The following ZNF346 variants were observed in gnomAD, a reference collection of about 807,000 sequenced individuals.
ZNF346 encodes zinc finger protein 346.
Under a neutral mutation model 33.7 loss-of-function variants are expected in ZNF346, and 23 were observed. That is an observed-to-expected ratio of 0.68 (90% CI 0.49 to 0.97). ZNF346 has a LOEUF of 0.97. Among genes scored for constraint, ZNF346 ranks in the 50% least tolerant of loss-of-function variants. The pLI is 0.00. For synonymous variants in ZNF346, 134 were observed against 142.4 expected, an observed-to-expected ratio of 0.94 and a Z score of 0.42; for missense variants, 340 against 371.1, an observed-to-expected ratio of 0.92 and a Z score of 0.69.
chr5:177,037,440 TACTCAC>T (rs746152821), intron 1 of ZNF346, among the ~76,000 whole-genome samples: 41 of 152,286 alleles, frequency 2.7e-4, no homozygotes, highest in Non-Finnish European at 5.0e-4. Context: ...TCTGATAGAC[TACTCAC>T]ACTCACATAA....
chr5:177,064,173 AG>A (rs1215405866), intron 6 of ZNF346, among the ~76,000 whole-genome samples: 1 of 152,220 alleles, frequency 6.6e-6, no homozygotes, highest in East Asian at 1.9e-4. Context: ...GAGTTTTTAT[AG>A]GGCCCTGTAG....
At chr5:177,061,667 C>T (rs371819358) in intron 5 of ZNF346, among the ~76,000 whole-genome samples, 3 of 152,122 alleles carry the variant, frequency 2.0e-5, no homozygotes, top group South Asian at 2.1e-4. Context: ...TTACTGTTAC[C>T]GCAAGCCCTA....
intron 5 of ZNF346, among the ~76,000 whole-genome samples, chr5:177,051,519 G>A (rs184045493): frequency 1.3e-5 from 2 of 149,200 alleles, no homozygotes; most frequent in Admixed American, 1.4e-4. Context: ...GATTTATATA[G>A]AAATCCCTCT....
chr5:177,045,019 C>A (rs549783584), intron 4 of ZNF346, among the ~76,000 whole-genome samples: 1 of 152,308 alleles, frequency 6.6e-6, no homozygotes, highest in South Asian at 2.1e-4. Flanking sequence ...AAGCTGAATA[C>A]TTCAGTGCTG....
downstream of ZNF346, among the ~76,000 whole-genome samples, chr5:177,070,344 G>A (rs373172974): frequency 2.8e-4 from 42 of 152,114 alleles, no homozygotes; most frequent in Non-Finnish European, 5.6e-4. Context: ...TTGTAGCCTC[G>A]AATGGCCTCA....
chr5:177,023,430 C>A lies in ZNF346; in HGVS notation c.175+517C>A, dbSNP rs140510245. 3.9e-5 allele frequency among the ~76,000 whole-genome samples: 6 copies of A among 152,276 alleles called. No homozygotes were observed. The South Asian group carries it at 1.2e-3, about 32-fold the overall frequency. On this transcript the variant is annotated intron_variant, in intron 1 of 6. Coordinates refer to ENST00000358149, the MANE Select transcript of ZNF346 (RefSeq NM_012279.4). The stretch of plus-strand genomic sequence containing the variant: ...GGCTTACCCGTTTTTAGCTCTCTGG[C>A]CTCTACTTGCTGGGTCCCTTATTCT...
intron 1 of ZNF346, chr5:177,023,163 A>G: frequency 6.5e-6 from 10 of 1,534,828 alleles, no homozygotes; most frequent in Non-Finnish European, 8.7e-6. Context: ...ACTACAGCGC[A>G]GTTTTTCCCA....
At chr5:177,038,966 A>G (rs1403525615) in intron 1 of ZNF346, among the ~76,000 whole-genome samples, 1 of 148,100 alleles carries the variant, frequency 6.8e-6, no homozygotes, top group African/African-American at 2.5e-5. Flanking sequence ...ATCTCGGCTC[A>G]CTGCAACCTC....
chr5:177,064,004 C>A (rs1782880425), intron 6 of ZNF346, among the ~76,000 whole-genome samples: 1 of 152,028 alleles, frequency 6.6e-6, no homozygotes, highest in African/African-American at 2.4e-5. Flanking sequence ...ATTAGGATAC[C>A]CCCTCCCAAA....
chr5:177,076,481 A>G (rs1783749842), intron 8 of ZNF346, among the ~76,000 whole-genome samples: 1 of 152,042 alleles, frequency 6.6e-6, no homozygotes, highest in Admixed American at 6.6e-5. Context: ...CTCCTCCTCC[A>G]CCATCCCCCA....
intron 5 of ZNF346, among the ~76,000 whole-genome samples, chr5:177,056,771 T>TGGGGGTG (rs1781741460): frequency 2.0e-5 from 1 of 49,904 alleles, no homozygotes. Context: ...GTCATGGGGT[T>TGGGGGTG]GGGGGAGGGG....
exon 9 of ZNF346, chr5:177,080,183 T>C (rs1783922776): frequency 6.6e-6 from 1 of 152,124 alleles, no homozygotes; most frequent in South Asian, 2.1e-4. Context: ...GTCTTCAGAG[T>C]ATAAACTGGA....
At chr5:177,048,521 T>C (rs894991039) in intron 4 of ZNF346, among the ~76,000 whole-genome samples, 10 of 152,058 alleles carry the variant, frequency 6.6e-5, no homozygotes, top group Non-Finnish European at 1.0e-4. Context: ...CTTCGGAGAC[T>C]GAAGCAGGAG....
chr5:177,073,685 G>C (rs772628518), intron 8 of ZNF346, among the ~76,000 whole-genome samples: 11 of 152,188 alleles, frequency 7.2e-5, no homozygotes, highest in Non-Finnish European at 1.3e-4. Flanking sequence ...AGGAGGCTTA[G>C]TGAAAGGAAC....
chr5:177,075,683 AT>A (rs957232034), intron 8 of ZNF346, among the ~76,000 whole-genome samples: 3 of 145,734 alleles, frequency 2.1e-5, no homozygotes, highest in African/African-American at 5.1e-5. Flanking sequence ...TGCCTGGCTA[AT>A]TTTTTTTTCC....
chr5:177,059,756 T>C (rs1033833375), intron 5 of ZNF346, among the ~76,000 whole-genome samples: 1 of 152,242 alleles, frequency 6.6e-6, no homozygotes, highest in Admixed American at 6.5e-5. Flanking sequence ...TCATATATAG[T>C]CAATAAGTAT....
At chr5:177,041,331 C>G in intron 2 of ZNF346, 102 bp downstream of exon 2, 1 of 939,930 alleles carries the variant, frequency 1.1e-6, no homozygotes, top group Non-Finnish European at 1.7e-6. Context: ...TGCTTAGCCA[C>G]CCAGATGTTG....
In ZNF346 at chr5:177,028,496, T is replaced by A. The variant is rs78801931; in HGVS notation, c.175+5583T>A. ...TTCTCTCTTAAGCACTTGTGACGTTTTATATATATATATATATATATATAT... is the reference window on the plus strand; with the variant it reads ...TTCTCTCTTAAGCACTTGTGACGTTATATATATATATATATATATATATAT... On this transcript the variant is annotated intron_variant, in intron 1 of 6. Coordinates refer to ENST00000358149, the MANE Select transcript of ZNF346 (RefSeq NM_012279.4). 2.7e-3 allele frequency among the ~76,000 whole-genome samples: 247 copies of A among 90,394 alleles called. 6 individuals carry two copies. Among genetic ancestry groups the A allele is most frequent in the African/African-American group, 0.012 (199 of 17,052 alleles). 59.3% of individuals were successfully genotyped at this position (90,394 alleles called of 152,430 possible).
chr5:177,072,981 C>G (rs1783576075), downstream of ZNF346, among the ~76,000 whole-genome samples: 1 of 152,244 alleles, frequency 6.6e-6, no homozygotes, highest in Non-Finnish European at 1.5e-5. Flanking sequence ...CCCTTGTCAA[C>G]CTGGGGACCT....
Sources: allele counts gnomAD v4.1 joint callset (sites outside exome capture counted in the v4.1 genomes callset), GRCh38; gene constraint gnomAD v4.1.1; transcripts MANE v1.5; gene names NCBI Gene and HGNC (gene_info 2026-07-23, HGNC 2026-07-21).